NDST3: variants seen among roughly 807,000 people sequenced by gnomAD.
The protein encoded by NDST3 is bifunctional heparan sulfate N-deacetylase/N-sulfotransferase 3.
Under a neutral mutation model 96.1 loss-of-function variants are expected in NDST3, and 58 were observed. That is an observed-to-expected ratio of 0.60 (90% CI 0.49 to 0.75). The LOEUF (loss-of-function observed/expected upper bound fraction) is 0.75, where lower values mean the gene tolerates loss of function less well. NDST3 is among the 30% of genes least tolerant of loss of function. The pLI is 0.00. For synonymous variants in NDST3, 333 were observed against 359.7 expected, an observed-to-expected ratio of 0.93 and a Z score of 0.84; for missense variants, 788 against 1,034.2, an observed-to-expected ratio of 0.76 and a Z score of 3.27.
intron 6 of NDST3, among the ~76,000 whole-genome samples, chr4:118,161,720 T>C (rs550118989): frequency 6.6e-6 from 1 of 152,230 alleles, no homozygotes; most frequent in Admixed American, 6.5e-5. Flanking sequence ...TTTAAGCCCG[T>C]CGGAAAAGTG....
At chr4:118,207,146 T>TACACAC (rs67300451) in intron 6 of NDST3, among the ~76,000 whole-genome samples, 19 of 128,840 alleles carry the variant, frequency 1.5e-4, no homozygotes, top group East Asian at 1.0e-3. Flanking sequence ...TCTGGAAGAA[T>TACACAC]ACACACACAC....
At chr4:118,118,454 T>C (rs1198670184) in intron 4 of NDST3, among the ~76,000 whole-genome samples, 1 of 152,224 alleles carries the variant, frequency 6.6e-6, no homozygotes, top group Non-Finnish European at 1.5e-5. Context: ...GCTATCATCA[T>C]TTACAGCCAC....
intron 3 of NDST3, among the ~76,000 whole-genome samples, chr4:118,112,215 G>A (rs907514886): frequency 5.3e-5 from 8 of 152,132 alleles, no homozygotes; most frequent in East Asian, 3.8e-4. Context: ...ATTCAGGAAA[G>A]GACAACAAAT....
intron 2 of NDST3, among the ~76,000 whole-genome samples, chr4:118,066,306 TTA>T (rs1419681465): frequency 3.9e-4 from 3 of 7,624 alleles, no homozygotes; most frequent in African/African-American, 4.6e-4. Flanking sequence ...ATATTATGTA[TTA>T]TATATATTAT....
intron 4 of NDST3, among the ~76,000 whole-genome samples, chr4:118,129,495 T>C (rs1732419177): frequency 6.6e-6 from 1 of 152,080 alleles, no homozygotes; most frequent in South Asian, 2.1e-4. Flanking sequence ...GTTTGTATAG[T>C]TTCCAAAATT....
intron 8 of NDST3, among the ~76,000 whole-genome samples, chr4:118,232,439 G>A (rs1329236013): frequency 1.3e-5 from 2 of 151,854 alleles, no homozygotes; most frequent in Non-Finnish European, 2.9e-5. Flanking sequence ...AGACTAGCCT[G>A]AGCAACACAG....
intron 6 of NDST3, among the ~76,000 whole-genome samples, chr4:118,197,885 C>T (rs1420931980): frequency 1.3e-5 from 2 of 150,922 alleles, no homozygotes; most frequent in African/African-American, 4.9e-5. Context: ...CTGCAACCTC[C>T]GCCTCCTGGA....
chr4:118,036,760 A>G (rs993276140), intron 1 of NDST3, among the ~76,000 whole-genome samples: 6 of 152,126 alleles, frequency 3.9e-5, no homozygotes, highest in African/African-American at 1.4e-4. Flanking sequence ...ATTTTCATCG[A>G]TTTCATGTAA....
At chr4:118,194,641 C>G (rs897229406) in intron 6 of NDST3, 1 of 686,750 alleles carries the variant, frequency 1.5e-6, no homozygotes, top group Non-Finnish European at 2.7e-6. Flanking sequence ...TGCCCTCTCT[C>G]GATGACCTTC....
intron 5 of NDST3, among the ~76,000 whole-genome samples, chr4:118,143,000 A>G (rs1038470288): frequency 3.3e-5 from 5 of 152,160 alleles, no homozygotes; most frequent in African/African-American, 1.2e-4. Flanking sequence ...AATCTGAGGT[A>G]ATTACTATAG....
At chr4:118,143,806 A>C in intron 6 of NDST3, 122 bp downstream of exon 6, 1 of 1,105,588 alleles carries the variant, frequency 9.0e-7, no homozygotes, top group East Asian at 2.9e-5. Context: ...TAGCTCTGAA[A>C]CAGTAGTAAA....
chr4:118,163,301 C>T (rs1735307743), intron 6 of NDST3, among the ~76,000 whole-genome samples: 2 of 152,188 alleles, frequency 1.3e-5, no homozygotes, highest in African/African-American at 4.8e-5. Flanking sequence ...CACATGCACA[C>T]ATATGTTTAC....
chr4:118,105,133 T>G lies in NDST3; in HGVS notation c.1069+28T>G, dbSNP rs1438362810. The stretch of plus-strand genomic sequence containing the variant: ...AAGAAAAAGGGATTAACTGTTCTCA[T>G]TAAGGCTTCTCTGATCACTCTATTT... On this transcript the variant is annotated intron_variant, in intron 3 of 13. Transcript: ENST00000296499. The G allele has an allele frequency of 2.0e-6, 3 of 1,535,780 alleles. No homozygotes were observed. In the South Asian group the frequency reaches 3.4e-5, roughly 17 times the overall value.
intron 6 of NDST3, among the ~76,000 whole-genome samples, chr4:118,182,568 G>T (rs764688888): frequency 1.3e-5 from 2 of 152,092 alleles, no homozygotes; most frequent in Non-Finnish European, 2.9e-5. Context: ...ATGAGGACAA[G>T]GACTTCTTAT....
chr4:118,111,264 T>A (rs1473647738), intron 3 of NDST3, among the ~76,000 whole-genome samples: 1 of 152,098 alleles, frequency 6.6e-6, no homozygotes, highest in African/African-American at 2.4e-5. Context: ...AACCTCAGCA[T>A]CATGCAATAT....
chr4:118,175,252 CCTTTAA>C (rs1439437066), intron 6 of NDST3, among the ~76,000 whole-genome samples: 2 of 152,004 alleles, frequency 1.3e-5, no homozygotes, highest in Admixed American at 6.6e-5. Flanking sequence ...AAGTAAACTC[CCTTTAA>C]CTGTAAAGCC....
At chr4:118,057,262 A>T (rs1270377418) in intron 2 of NDST3, among the ~76,000 whole-genome samples, 1 of 152,082 alleles carries the variant, frequency 6.6e-6, no homozygotes, top group Non-Finnish European at 1.5e-5. Flanking sequence ...TGTGAACAAC[A>T]GTAAGTAAGA....
At chr4:118,145,674 G>T (rs1733885629) in intron 6 of NDST3, among the ~76,000 whole-genome samples, 2 of 152,098 alleles carry the variant, frequency 1.3e-5, no homozygotes, top group Non-Finnish European at 2.9e-5. Flanking sequence ...CTTTATGAAT[G>T]ATATTTGGCA....
intron 12 of NDST3, among the ~76,000 whole-genome samples, chr4:118,245,668 A>C (rs2126009633): frequency 6.6e-6 from 1 of 152,346 alleles, no homozygotes; most frequent in East Asian, 1.9e-4. Flanking sequence ...GATGGCATGA[A>C]AGAACACCTA....
Sources: allele counts gnomAD v4.1 joint callset (sites outside exome capture counted in the v4.1 genomes callset), GRCh38; gene constraint gnomAD v4.1.1; transcripts MANE v1.5; gene names NCBI Gene and HGNC (gene_info 2026-07-23, HGNC 2026-07-21).